SPSB1: variants seen among roughly 807,000 people sequenced by gnomAD.
The protein encoded by SPSB1 is SPRY domain-containing SOCS box protein 1.
In SPSB1, 8 loss-of-function variants were observed where a neutral mutation model predicts 21.2. That is an observed-to-expected ratio of 0.38 (90% CI 0.22 to 0.68). The LOEUF (loss-of-function observed/expected upper bound fraction) is 0.68, where lower values mean the gene tolerates loss of function less well. Among genes scored for constraint, SPSB1 ranks in the 30% least tolerant of loss-of-function variants. The pLI, the probability that SPSB1 is intolerant of heterozygous loss-of-function variation, is 0.53. For missense variants in SPSB1, 242 were observed against 377.8 expected (o/e 0.64, Z 2.98); for synonymous variants, 169 against 161.7 (o/e 1.05, Z -0.34).
rs865786313 is a variant in SPSB1 at position 9,293,449 on chromosome 1, C to A, written c.-150+378C>A. On this transcript the variant is annotated intron_variant, in intron 1 of 2. Transcript: ENST00000328089. The surrounding 1 kb of genome is among the most constrained non-coding windows in gnomAD (Gnocchi z 5.1). ...GCTCCGGGGCCGCCGACCCGTCCCC[C>A]CTTTAGCCCGGGGAAAGCGGGACCC... Among the ~76,000 whole-genome samples, 2 of 151,628 alleles carry A rather than the reference C, an allele frequency of 1.3e-5. No individual in the cohort carries two copies. Among genetic ancestry groups the A allele is most frequent in the East Asian group, 2.0e-4 (1 of 5,124 alleles).
rs975751952 is a variant in SPSB1, at chr1:9,363,762, C to T, written c.695-3686C>T. 6.6e-6 allele frequency among the ~76,000 whole-genome samples: 1 copy of T among 152,008 alleles called. No individual in the cohort carries two copies. The highest frequency in any genetic ancestry group is 1.5e-5 in the Non-Finnish European group (1 of 68,000). ...TCACCCAGGCTGTAGTGCAGTGGCG[C>T]AATCTCAGCTCACTGCAAACCTCTG... is the stretch of plus-strand genomic sequence containing the variant. On this transcript the variant is annotated intron_variant, in intron 2 of 2. Transcript: ENST00000328089. This position sits in a 1 kb window ranked among gnomAD's most constrained non-coding sequence, Gnocchi z 4.5.
chr1:9,295,397 G>A (rs1222446994), intron 1 of SPSB1, among the ~76,000 whole-genome samples: 1 of 152,158 alleles, frequency 6.6e-6, no homozygotes, highest in Non-Finnish European at 1.5e-5. Flanking sequence ...GAGCAAGGCG[G>A]GTGCCATGCC....
chr1:9,343,508 A>C lies in SPSB1; in HGVS notation c.-149-12235A>C, dbSNP rs538758900. ...CCACAATTTGTTTATCCATGCATCC[A>C]TTGATGGACATTTGGGCTCATCCAT... is the stretch of plus-strand genomic sequence containing the variant. On this transcript the variant is annotated intron_variant, in intron 1 of 2. Transcript: ENST00000328089. Among the ~76,000 whole-genome samples the C allele has an allele frequency of 1.2e-4, 18 of 152,324 alleles. No homozygotes were observed. The South Asian group carries it at 2.7e-3, about 23-fold the overall frequency.
chr1:9,358,352 C>G (rs920040794), intron 2 of SPSB1, among the ~76,000 whole-genome samples: 2 of 152,178 alleles, frequency 1.3e-5, no homozygotes, highest in Non-Finnish European at 2.9e-5. Flanking sequence ...CCTGGCGCCC[C>G]CAGGTCATGG....
Position 9,316,559 on chromosome 1 carries a change from G to C in SPSB1, c.-150+23488G>C, listed in dbSNP as rs554484188. ...CTTGAGGTGCTGGATGGCGAGGAGG[G>C]GGGGGCTGATCGAAGCGGGTTCAGG... On this transcript the variant is annotated intron_variant, in intron 1 of 2. Coordinates refer to ENST00000328089, the MANE Select transcript of SPSB1 (RefSeq NM_025106.4). 9.0e-4 allele frequency among the ~76,000 whole-genome samples: 137 copies of C among 152,302 alleles called. 4 individuals are homozygous for C. In the South Asian group the frequency reaches 0.024, roughly 27 times the overall value.
In SPSB1 at chr1:9,356,011, A is replaced by G; in HGVS notation, c.120A>G (p.Leu40=). The change falls in exon 2 of 3, where the codon CTA becomes CTG. Residue 40 remains leucine (L), a synonymous_variant. Transcript: ENST00000328089. This position sits in a 1 kb window ranked among gnomAD's most constrained non-coding sequence, Gnocchi z 7.4. ...DYCKPTRLDL[L]LDMPPVSYDV... Reference sequence around the variant, plus strand: ...GCAAGCCCACCCGGCTGGATCTGCTACTGGACATGCCCCCTGTGTCCTATG... The same window carrying G: ...GCAAGCCCACCCGGCTGGATCTGCTGCTGGACATGCCCCCTGTGTCCTATG... 6.2e-7 allele frequency: 1 copy of G among 1,614,134 alleles called. No individual in the cohort carries two copies. The highest frequency in any genetic ancestry group is 8.5e-7 in the Non-Finnish European group (1 of 1,180,020).
chr1:9,299,381 G>A (rs772848690), intron 1 of SPSB1, among the ~76,000 whole-genome samples: 60 of 152,330 alleles, frequency 3.9e-4, no homozygotes, highest in Non-Finnish European at 6.5e-4. Flanking sequence ...GCTCACTCCT[G>A]TAATCCTAGC....
chr1:9,318,578 C>G (rs559629793), intron 1 of SPSB1, among the ~76,000 whole-genome samples: 53 of 152,352 alleles, frequency 3.5e-4, no homozygotes, highest in Non-Finnish European at 6.0e-4. Context: ...CCTCTTTGAG[C>G]CTTGGTTTCC....
At chr1:9,320,924 C>A (rs1639713282) in intron 1 of SPSB1, among the ~76,000 whole-genome samples, 1 of 151,772 alleles carries the variant, frequency 6.6e-6, no homozygotes, top group Admixed American at 6.6e-5. Flanking sequence ...CAAACCCCTC[C>A]CCCTGCCAGG....
At chr1:9,323,482 T>A (rs1432769039) in intron 1 of SPSB1, among the ~76,000 whole-genome samples, 3 of 152,164 alleles carry the variant, frequency 2.0e-5, no homozygotes, top group Non-Finnish European at 2.9e-5. Flanking sequence ...AGGCTGACCT[T>A]GAAGGTCAGA....
Position 9,363,952 on chromosome 1 carries a change from G to A in SPSB1, c.695-3496G>A, listed in dbSNP as rs181695024. Among the ~76,000 whole-genome samples the A allele has an allele frequency of 3.0e-3, 460 of 152,240 alleles. 3 individuals carry two copies. The highest frequency in any genetic ancestry group is 6.8e-3 in the Middle Eastern group (2 of 294). ...CTGACCTCAGGTGATCACCCACCTC[G>A]GCCTCCCAAAGTGCTGGGATTACAG... On this transcript the variant is annotated intron_variant, in intron 2 of 2. Coordinates refer to ENST00000328089, the MANE Select transcript of SPSB1 (RefSeq NM_025106.4). The surrounding 1 kb of genome is among the most constrained non-coding windows in gnomAD (Gnocchi z 4.5).
intron 1 of SPSB1, among the ~76,000 whole-genome samples, chr1:9,353,771 A>T (rs1210061415): frequency 2.0e-5 from 3 of 152,114 alleles, no homozygotes; most frequent in Non-Finnish European, 2.9e-5. Context: ...AGAAAAAATT[A>T]GCTGGGCGTG....
intron 1 of SPSB1, among the ~76,000 whole-genome samples, chr1:9,320,606 C>A (rs1367342979): frequency 6.6e-6 from 1 of 152,238 alleles, no homozygotes; most frequent in Non-Finnish European, 1.5e-5. Context: ...TTCCATTTTG[C>A]AAGTATTTGG....
rs1639962199 is a variant in SPSB1 at position 9,333,760 on chromosome 1, G to GTCC, written c.-149-21982_-149-21981insCCT. 3.9e-4 allele frequency among the ~76,000 whole-genome samples: 59 copies of GTCC among 152,238 alleles called. 1 individual carries two copies. The South Asian group carries it at 0.012, about 32-fold the overall frequency. On this transcript the variant is annotated intron_variant, in intron 1 of 2. Transcript: ENST00000328089. ...TTTATTCCAACGGAAAGGAAACGAG[G>GTCC]TTGCCAAAGAGACCCAAGGAGCCCA...
chr1:9,310,941 G>A (rs1297902880), intron 1 of SPSB1, among the ~76,000 whole-genome samples: 1 of 152,078 alleles, frequency 6.6e-6, no homozygotes, highest in Non-Finnish European at 1.5e-5. Flanking sequence ...ACATGTCAGG[G>A]TTCTTCTAAA....
Position 9,356,268 on chromosome 1 carries a change from C to G in SPSB1, c.377C>G (p.Ser126Cys). The G allele has an allele frequency of 2.5e-6, 4 of 1,612,912 alleles. No homozygotes were observed. The highest frequency in any genetic ancestry group is 3.4e-6 in the Non-Finnish European group (4 of 1,179,594). Residue 126 changes from serine (S) to cysteine (C), a missense_variant, in exon 2 of 3, where the codon TCT (serine) becomes TGT (cysteine). Coordinates refer to ENST00000328089, the MANE Select transcript of SPSB1 (RefSeq NM_025106.4). The surrounding 1 kb of genome is among the most constrained non-coding windows in gnomAD (Gnocchi z 7.4). ...GVATADAPLH[S>C]VGYTTLVGNN... ...GCGACGGCAGACGCCCCCCTGCACT[C>G]TGTCGGGTACACAACCCTCGTGGGG...
chr1:9,322,881 C>G (rs925205148), intron 1 of SPSB1, among the ~76,000 whole-genome samples: 1 of 151,408 alleles, frequency 6.6e-6, no homozygotes, highest in African/African-American at 2.4e-5. Context: ...CCCACCCGCC[C>G]GGACGCTCTT....
At chr1:9,314,330 A>G (rs977488611) in intron 1 of SPSB1, among the ~76,000 whole-genome samples, 1 of 151,892 alleles carries the variant, frequency 6.6e-6, no homozygotes, top group African/African-American at 2.4e-5. Flanking sequence ...CTAAATATAC[A>G]AGGCAGCTCT....
At chr1:9,300,346 G>A (rs189314205) in intron 1 of SPSB1, among the ~76,000 whole-genome samples, 67 of 152,306 alleles carry the variant, frequency 4.4e-4, no homozygotes, top group African/African-American at 1.6e-3. Context: ...TTTGAGTGGG[G>A]CCCGTAGCAG....
Sources: allele counts gnomAD v4.1 joint callset (sites outside exome capture counted in the v4.1 genomes callset), GRCh38; gene constraint gnomAD v4.1.1; non-coding constraint Gnocchi (gnomAD v3.1); transcripts MANE v1.5; gene names NCBI Gene and HGNC (gene_info 2026-07-23, HGNC 2026-07-21).